Variants in FER observed in about 807,000 individuals in gnomAD.
FER encodes the protein tyrosine-protein kinase Fer.
A neutral mutation model predicts 111.0 loss-of-function variants in FER; 63 were observed. That is an observed-to-expected ratio of 0.57 (90% CI 0.46 to 0.70). FER has a LOEUF of 0.70. FER is among the 30% of genes least tolerant of loss of function. The pLI is 0.00. For synonymous variants in FER, 327 were observed against 313.9 expected (o/e 1.04, Z -0.44); for missense variants, 914 against 954.0 (o/e 0.96, Z 0.55).
intron 16 of FER, among the ~76,000 whole-genome samples, chr5:109,065,285 AC>A (rs1240413607): frequency 3.3e-5 from 5 of 152,202 alleles, no homozygotes; most frequent in African/African-American, 7.2e-5. Context: ...TTTTAAAAAA[AC>A]ATTTATTGAA....
At chr5:109,084,266 C>T (rs1418712071) in intron 16 of FER, among the ~76,000 whole-genome samples, 2 of 151,936 alleles carry the variant, frequency 1.3e-5, no homozygotes, top group African/African-American at 4.8e-5. Flanking sequence ...TTTACATATT[C>T]TTATTGCCAC....
At chr5:109,060,673 ACT>A (rs1373397486) in intron 16 of FER, among the ~76,000 whole-genome samples, 4 of 151,792 alleles carry the variant, frequency 2.6e-5, no homozygotes, top group East Asian at 3.9e-4. Flanking sequence ...ACAGAGTGAG[ACT>A]CTGTCTCCAA....
At chr5:108,893,963 A>G (rs1015313600) in intron 9 of FER, among the ~76,000 whole-genome samples, 3 of 147,550 alleles carry the variant, frequency 2.0e-5, no homozygotes, top group East Asian at 3.9e-4. Context: ...TTATAAAGGA[A>G]AGAGGTTTTT....
Position 108,863,423 on chromosome 5 carries a change from G to A in FER, c.482-4344G>A, listed in dbSNP as rs542654649. Among the ~76,000 whole-genome samples the A allele has an allele frequency of 2.0e-4, 30 of 152,242 alleles. No individual in the cohort carries two copies. In the South Asian group the frequency reaches 3.5e-3, roughly 18 times the overall value. On this transcript the variant is annotated intron_variant, in intron 5 of 19. Coordinates refer to ENST00000281092, the MANE Select transcript of FER (RefSeq NM_005246.4). Reference sequence around the variant, plus strand: ...CGTGAGCTGCTGCACCCAGGCAATTGCATTGACTTTTGGGGACTTTTAATG... The same window carrying A: ...CGTGAGCTGCTGCACCCAGGCAATTACATTGACTTTTGGGGACTTTTAATG...
At chr5:108,795,457 CAGAG>C (rs1477492917) in intron 2 of FER, among the ~76,000 whole-genome samples, 1 of 146,080 alleles carries the variant, frequency 6.8e-6, no homozygotes, top group East Asian at 2.0e-4. Context: ...ACCTGGGAGA[CAGAG>C]GGAGACCCTG....
chr5:109,138,028 CTCAAGCCTGAAGTCTT>C lies in FER; in HGVS notation c.2048+37512_2048+37527del, dbSNP rs573595463. On this transcript the variant is annotated intron_variant, in intron 17 of 19. Transcript: ENST00000281092. ...GTCTTCCCAGTTTCCTGCATTGCAGCTCAAGCCTGAAGTCTTTCTGTCATATCGGAACTAAAGAGAC... is the reference window on the plus strand; with the variant it reads ...GTCTTCCCAGTTTCCTGCATTGCAGCTCTGTCATATCGGAACTAAAGAGAC... Among the ~76,000 whole-genome samples the C allele has an allele frequency of 2.8e-4, 43 of 152,278 alleles. No homozygotes were observed. In the South Asian group the frequency reaches 8.1e-3, roughly 29 times the overall value.
chr5:108,997,835 G>C (rs1287930673), intron 13 of FER, among the ~76,000 whole-genome samples: 1 of 152,132 alleles, frequency 6.6e-6, no homozygotes, highest in Non-Finnish European at 1.5e-5. Context: ...TGCCCAGAGA[G>C]GAGGAATCTA....
At chr5:108,786,080 C>T (rs1027152997) in intron 2 of FER, among the ~76,000 whole-genome samples, 3 of 152,192 alleles carry the variant, frequency 2.0e-5, no homozygotes, top group African/African-American at 7.2e-5. Context: ...TGGAGAGATA[C>T]TCAGCAACAC....
chr5:109,172,564 G>A (rs1451359134), intron 17 of FER, among the ~76,000 whole-genome samples: 8 of 149,356 alleles, frequency 5.4e-5, no homozygotes, highest in Admixed American at 6.6e-5. Flanking sequence ...CAGCACACCA[G>A]CATGGCACAT....
At chr5:109,051,441 A>ACCCC (rs1422068581) in intron 16 of FER, 2 of 1,612,950 alleles carry the variant, frequency 1.2e-6, no homozygotes, top group African/African-American at 1.3e-5. Flanking sequence ...AATTCTGGTT[A>ACCCC]TCATCGGGGA....
chr5:108,780,085 A>G (rs1310345548), intron 2 of FER, among the ~76,000 whole-genome samples: 2 of 152,166 alleles, frequency 1.3e-5, no homozygotes, highest in Non-Finnish European at 2.9e-5. Context: ...TACATAATCA[A>G]ATATATTGTT....
chr5:108,808,807 C>T (rs1179386503), intron 3 of FER, among the ~76,000 whole-genome samples: 5 of 152,084 alleles, frequency 3.3e-5, no homozygotes, highest in African/African-American at 9.7e-5. Context: ...TTAGCACTTG[C>T]TTGTCCGGAA....
In FER at chr5:108,993,617, AAGGGCGAGGGCGAGGGTG is replaced by A. The variant is rs1466126867; in HGVS notation, c.1656+34287_1656+34304del. ...AGAGGGCGAGGGCGAGGGAGAGGGC[AAGGGCGAGGGCGAGGGTG>A]AGGGCGAGGGCGAGGGCGAGGGCGA... is the stretch of plus-strand genomic sequence containing the variant. On this transcript the variant is annotated intron_variant, in intron 13 of 19. Coordinates refer to ENST00000281092, the MANE Select transcript of FER (RefSeq NM_005246.4). 6.7e-5 allele frequency among the ~76,000 whole-genome samples: 7 copies of A among 105,048 alleles called. No homozygotes were observed. The East Asian group carries it at 9.5e-4, about 14-fold the overall frequency. The allele number at this position is 105,048 out of a possible 152,430, so 68.9% of individuals were successfully genotyped here.
chr5:108,767,258 A>G (rs1269124437), intron 1 of FER, among the ~76,000 whole-genome samples: 1 of 152,154 alleles, frequency 6.6e-6, no homozygotes, highest in African/African-American at 2.4e-5. Context: ...AGTCGAGATC[A>G]TGCCAGAGCA....
intron 10 of FER, among the ~76,000 whole-genome samples, chr5:108,917,214 C>T (rs1182856219): frequency 6.6e-6 from 1 of 152,062 alleles, no homozygotes; most frequent in Non-Finnish European, 1.5e-5. Flanking sequence ...TATGTGCTTT[C>T]TAGCATTTAG....
Position 109,097,491 on chromosome 5 carries a change from A to G in FER, c.1925-2905A>G, listed in dbSNP as rs544677927. 2.0e-5 allele frequency among the ~76,000 whole-genome samples: 3 copies of G among 152,092 alleles called. No homozygotes were observed. The South Asian group carries it at 6.2e-4, about 32-fold the overall frequency. ...CTGTATGCTATATGTATCCATATGC[A>G]TATATACCTGTGTGCTGCATGTATG... On this transcript the variant is annotated intron_variant, in intron 16 of 19. Coordinates refer to ENST00000281092, the MANE Select transcript of FER (RefSeq NM_005246.4).
intron 1 of FER, among the ~76,000 whole-genome samples, chr5:108,757,456 G>T (rs946424705): frequency 3.3e-4 from 50 of 152,192 alleles, no homozygotes; most frequent in African/African-American, 1.1e-3. Context: ...GTGGATCTTA[G>T]CTAGAAAACA....
chr5:108,848,602 C>G (rs972362919), intron 5 of FER, among the ~76,000 whole-genome samples: 11 of 151,874 alleles, frequency 7.2e-5, no homozygotes, highest in African/African-American at 2.7e-4. Context: ...TCTGTTTCTC[C>G]CTTTCCTGTC....
intron 2 of FER, chr5:108,785,130 T>C: frequency 1.8e-6 from 1 of 551,758 alleles, no homozygotes; most frequent in Non-Finnish European, 3.2e-6. Flanking sequence ...CTGGTCAAGG[T>C]ATGGAATCTG....
Sources: gnomAD v4.1 joint callset for allele counts (sites outside exome capture counted in the v4.1 genomes callset) on GRCh38, gnomAD v4.1.1 for gene constraint, MANE v1.5 for transcripts, NCBI Gene and HGNC (gene_info 2026-07-23, HGNC 2026-07-21) for gene names.